Variants in SMIM36 observed in about 807,000 individuals in gnomAD.
SMIM36 encodes the protein small integral membrane protein 36.
chr17:55,465,204 G>T (rs1909215854), intron 4 of SMIM36, among the ~76,000 whole-genome samples: 1 of 152,190 alleles, frequency 6.6e-6, no homozygotes. Context: ...GAACAAATTA[G>T]GGACAGCACA....
chr17:55,523,140 A>T, the SMIM36 span, among the ~76,000 whole-genome samples: 1 of 152,138 alleles, frequency 6.6e-6, no homozygotes, highest in African/African-American at 2.4e-5. Flanking sequence ...GCCTTTAAAG[A>T]CATGATTAAG....
chr17:55,495,140 G>A (rs917469833), intron 1 of SMIM36, among the ~76,000 whole-genome samples: 3 of 152,166 alleles, frequency 2.0e-5, no homozygotes, highest in Admixed American at 6.5e-5. Context: ...TAGATAAGTG[G>A]TCTGTAGGTA....
chr17:55,523,157 T>C, the SMIM36 span, among the ~76,000 whole-genome samples: 1 of 152,082 alleles, frequency 6.6e-6, no homozygotes, highest in Non-Finnish European at 1.5e-5. Flanking sequence ...TAAGTTACCA[T>C]GAGGCCATTA....
At chr17:55,478,251 TC>T (rs1174812565) in intron 3 of SMIM36, among the ~76,000 whole-genome samples, 1 of 151,574 alleles carries the variant, frequency 6.6e-6, no homozygotes, top group Non-Finnish European at 1.5e-5. Context: ...TTTTTTTTTT[TC>T]AGACAAGGTC....
intron 1 of SMIM36, among the ~76,000 whole-genome samples, chr17:55,494,761 G>A (rs1909778921): frequency 6.6e-6 from 1 of 151,798 alleles, no homozygotes; most frequent in Admixed American, 6.6e-5. Flanking sequence ...ATAGATAAGT[G>A]TATACACATG....
chr17:55,523,463 G>A, the SMIM36 span, among the ~76,000 whole-genome samples: 6 of 151,622 alleles, frequency 4.0e-5, no homozygotes, highest in Non-Finnish European at 8.8e-5. Context: ...CCGGGAGGCG[G>A]AGGTTGCAGT....
chr17:55,452,102 CAAAAAAA>C (rs1156887430), intron 4 of SMIM36, among the ~76,000 whole-genome samples: 7 of 51,766 alleles, frequency 1.4e-4, no homozygotes, highest in African/African-American at 3.2e-4. Context: ...TCAATCTCTA[CAAAAAAA>C]AAAAAAAAAA....
At chr17:55,523,333 C>A in the SMIM36 span, among the ~76,000 whole-genome samples, 6 of 152,166 alleles carry the variant, frequency 3.9e-5, no homozygotes, top group African/African-American at 1.4e-4. Context: ...AGATCGAGAC[C>A]TTCCTGGCCA....
chr17:55,453,455 T>C (rs116901045), intron 4 of SMIM36, among the ~76,000 whole-genome samples: 77 of 152,334 alleles, frequency 5.1e-4, no homozygotes, highest in Non-Finnish European at 7.8e-4. Context: ...TCTTGGCAAG[T>C]TCAGCACTGA....
the SMIM36 span, among the ~76,000 whole-genome samples, chr17:55,525,213 C>T: frequency 6.6e-6 from 1 of 152,350 alleles, no homozygotes; most frequent in Non-Finnish European, 1.5e-5. Context: ...CACCAACCTA[C>T]TTTTCAGCTT....
At chr17:55,511,314 G>A in exon 1 of SMIM36, 1 of 398,582 alleles carries the variant, frequency 2.5e-6, no homozygotes, top group Non-Finnish European at 4.4e-6. Context: ...TAACAGGGTC[G>A]ATCTCCAAGT....
At chr17:55,502,074 C>T (rs926450440) in intron 1 of SMIM36, among the ~76,000 whole-genome samples, 2 of 151,756 alleles carry the variant, frequency 1.3e-5, no homozygotes, top group African/African-American at 2.4e-5. Context: ...GAGGGTCCTA[C>T]GCCCACGGAA....
the SMIM36 span, among the ~76,000 whole-genome samples, chr17:55,520,949 C>A: frequency 4.6e-5 from 7 of 152,190 alleles, no homozygotes; most frequent in East Asian, 1.4e-3. Context: ...TATGGTGAAA[C>A]CCTGTCTGTA....
chr17:55,452,442 T>C (rs895252966), intron 4 of SMIM36, among the ~76,000 whole-genome samples: 5 of 152,148 alleles, frequency 3.3e-5, no homozygotes, highest in African/African-American at 7.2e-5. Flanking sequence ...GGAAAACTCA[T>C]AGGGCTGGAG....
intron 1 of SMIM36, among the ~76,000 whole-genome samples, chr17:55,492,020 G>A (rs1415650676): frequency 6.6e-6 from 1 of 151,594 alleles, no homozygotes; most frequent in Non-Finnish European, 1.5e-5. Flanking sequence ...TTAGCTGGGC[G>A]TGGTGGCAGG....
At chr17:55,461,746 T>C (rs1909152510) in intron 4 of SMIM36, among the ~76,000 whole-genome samples, 1 of 152,248 alleles carries the variant, frequency 6.6e-6, no homozygotes, top group South Asian at 2.1e-4. Context: ...GATCTTCATT[T>C]CTTTAATGAG....
At chr17:55,524,734 A>T in the SMIM36 span, among the ~76,000 whole-genome samples, 4 of 152,178 alleles carry the variant, frequency 2.6e-5, no homozygotes, top group Admixed American at 6.5e-5. Context: ...ATGGTATTCT[A>T]TTACTAGTAA....
At chr17:55,503,119 G>A (rs1910022440) in intron 1 of SMIM36, among the ~76,000 whole-genome samples, 1 of 102,060 alleles carries the variant, frequency 9.8e-6, no homozygotes, top group Admixed American at 1.1e-4. Context: ...GAAAGTGATG[G>A]GGAGAATGGA....
intron 4 of SMIM36, among the ~76,000 whole-genome samples, chr17:55,456,197 G>A (rs1037578906): frequency 1.5e-5 from 2 of 132,376 alleles, no homozygotes; most frequent in Non-Finnish European, 3.2e-5. Context: ...GTCTTTTCTT[G>A]TTCCTCCCAA....
Sources: allele counts gnomAD v4.1 joint callset (sites outside exome capture counted in the v4.1 genomes callset), GRCh38; gene constraint gnomAD v4.1.1; transcripts MANE v1.5; gene names NCBI Gene and HGNC (gene_info 2026-07-23, HGNC 2026-07-21).